The following ATP2B2 variants were observed in gnomAD, a reference collection of about 807,000 sequenced individuals.
ATP2B2 encodes the protein plasma membrane calcium-transporting ATPase 2.
In ATP2B2, 15 loss-of-function variants were observed where a neutral mutation model predicts 120.0. The ratio of observed to expected loss-of-function variants is 0.12; its 90% confidence interval spans 0.08 to 0.19. The LOEUF is 0.19. Ranked by LOEUF, ATP2B2 falls within the 10% of genes least tolerant of loss-of-function variation. The pLI is 1.00. For synonymous variants in ATP2B2, 694 were observed against 700.3 expected, an observed-to-expected ratio of 0.99 and a Z score of 0.14; for missense variants, 1,045 against 1,719.8, an observed-to-expected ratio of 0.61 and a Z score of 6.94.
chr3:10,581,161 T>C (rs545337107), intron 2 of ATP2B2, among the ~76,000 whole-genome samples: 1 of 152,332 alleles, frequency 6.6e-6, no homozygotes, highest in East Asian at 1.9e-4. Flanking sequence ...GGCCAGGATT[T>C]GAATCCACCA....
intron 2 of ATP2B2, among the ~76,000 whole-genome samples, chr3:10,421,881 G>T (rs1333294186): frequency 6.6e-6 from 1 of 152,234 alleles, no homozygotes; most frequent in Admixed American, 6.5e-5. Context: ...AGACCCAGAA[G>T]AACATTTACT....
chr3:10,576,569 G>A (rs372953778), intron 2 of ATP2B2, among the ~76,000 whole-genome samples: 1 of 152,048 alleles, frequency 6.6e-6, no homozygotes, highest in African/African-American at 2.4e-5. Flanking sequence ...TTGTAGAGAT[G>A]GGGTCTCACT....
intron 2 of ATP2B2, among the ~76,000 whole-genome samples, chr3:10,536,663 A>G (rs142437390): frequency 4.6e-5 from 7 of 152,206 alleles, no homozygotes; most frequent in Admixed American, 3.9e-4. Flanking sequence ...AATAGCTGGG[A>G]CTACAAGTGT....
intron 2 of ATP2B2, among the ~76,000 whole-genome samples, chr3:10,586,799 A>G (rs2068520450): frequency 6.6e-6 from 1 of 152,190 alleles, no homozygotes; most frequent in Non-Finnish European, 1.5e-5. Flanking sequence ...CTTCCAGAGA[A>G]GGTGGTGCAC....
chr3:10,493,837 G>C (rs1260908908), intron 1 of ATP2B2, among the ~76,000 whole-genome samples: 3 of 152,212 alleles, frequency 2.0e-5, no homozygotes, highest in Non-Finnish European at 2.9e-5. Flanking sequence ...GGGCAGGAAG[G>C]CCCTCAGAAG....
chr3:10,679,981 G>A (rs572393808), intron 1 of ATP2B2, among the ~76,000 whole-genome samples: 13 of 152,260 alleles, frequency 8.5e-5, no homozygotes, highest in South Asian at 2.1e-4. Context: ...ATAACCTGTC[G>A]GTTCCACGAG....
rs902755995 is a variant in ATP2B2 at position 10,329,247 on chromosome 3, G to T, written c.3421-122C>A. On this transcript the variant is annotated intron_variant, in intron 22 of 22. Coordinates refer to ENST00000360273, the MANE Select transcript of ATP2B2 (RefSeq NM_001001331.4). The surrounding 1 kb of genome is among the most constrained non-coding windows in gnomAD (Gnocchi z 5.9). The stretch of plus-strand genomic sequence containing the variant: ...AAGCAGGTGGCTGGAATCCATAGTC[G>T]CTGGGTGTTATTAGCATTGACAGGA... 2.0e-6 allele frequency: 2 copies of T among 979,116 alleles called. No homozygotes were observed. Among genetic ancestry groups the T allele is most frequent in the Non-Finnish European group, 3.2e-6 (2 of 623,646 alleles). 60.7% of individuals were successfully genotyped at this position (979,116 alleles called of 1,614,324 possible).
chr3:10,378,500 C>T, intron 9 of ATP2B2, 90 bp from the exon 10 acceptor site: 2 of 1,541,780 alleles, frequency 1.3e-6, no homozygotes, highest in Non-Finnish European at 1.8e-6. Context: ...TGGCACCCAC[C>T]CCTGCCTGCC....
At chr3:10,399,167 ACC>A (rs2062139486) in intron 5 of ATP2B2, among the ~76,000 whole-genome samples, 1 of 152,170 alleles carries the variant, frequency 6.6e-6, no homozygotes, top group Non-Finnish European at 1.5e-5. Flanking sequence ...CAGAGGACAT[ACC>A]TGGCCACTGC....
At chr3:10,690,578 G>A (rs971505221) in intron 1 of ATP2B2, among the ~76,000 whole-genome samples, 4 of 152,186 alleles carry the variant, frequency 2.6e-5, no homozygotes, top group Non-Finnish European at 4.4e-5. Context: ...AAGCTCTTAA[G>A]CTACTTTAAA....
At chr3:10,685,596 C>T (rs1213279872) in intron 1 of ATP2B2, among the ~76,000 whole-genome samples, 1 of 152,168 alleles carries the variant, frequency 6.6e-6, no homozygotes, top group Non-Finnish European at 1.5e-5. Flanking sequence ...GAAGAGGGGG[C>T]TTCTATCCAG....
intron 14 of ATP2B2, among the ~76,000 whole-genome samples, chr3:10,354,844 G>A (rs1382245177): frequency 1.3e-5 from 2 of 152,222 alleles, no homozygotes; most frequent in Admixed American, 6.5e-5. Flanking sequence ...CCCTCTGGCT[G>A]AGCCTCCTAG....
chr3:10,573,783 G>A (rs1313787912), intron 2 of ATP2B2, among the ~76,000 whole-genome samples: 1 of 152,148 alleles, frequency 6.6e-6, no homozygotes, highest in African/African-American at 2.4e-5. Context: ...TATACAAACT[G>A]TTCCACTGGG....
chr3:10,474,593 C>T (rs547124435), intron 1 of ATP2B2, among the ~76,000 whole-genome samples: 1 of 152,304 alleles, frequency 6.6e-6, no homozygotes, highest in South Asian at 2.1e-4. Flanking sequence ...CCACTGCCCT[C>T]AGAACAAGGT....
At chr3:10,679,356 A>T (rs1213619794) in intron 1 of ATP2B2, among the ~76,000 whole-genome samples, 1 of 152,216 alleles carries the variant, frequency 6.6e-6, no homozygotes, top group East Asian at 1.9e-4. Context: ...TCACATATAC[A>T]CATCCACCCT....
chr3:10,408,412 C>T (rs1370296115), intron 3 of ATP2B2, among the ~76,000 whole-genome samples: 1 of 152,152 alleles, frequency 6.6e-6, no homozygotes, highest in East Asian at 1.9e-4. Flanking sequence ...GCACAGGAGC[C>T]CTGGAAACAT....
chr3:10,514,017 C>T (rs1354261364), intron 3 of ATP2B2, among the ~76,000 whole-genome samples: 1 of 152,172 alleles, frequency 6.6e-6, no homozygotes, highest in Non-Finnish European at 1.5e-5. Flanking sequence ...TCTGTTTGTT[C>T]TTAGAACTTT....
At chr3:10,393,767 T>C (rs1019869206) in intron 5 of ATP2B2, among the ~76,000 whole-genome samples, 1 of 151,134 alleles carries the variant, frequency 6.6e-6, no homozygotes, top group African/African-American at 2.4e-5. Flanking sequence ...TTCTGTCCTG[T>C]CCTGGTCCTG....
intron 2 of ATP2B2, among the ~76,000 whole-genome samples, chr3:10,566,956 A>G (rs76889887): frequency 6.3e-4 from 96 of 152,366 alleles, no homozygotes; most frequent in Middle Eastern, 3.4e-3. Context: ...TAAACATCCA[A>G]TAAGACATCC....
Sources: gnomAD v4.1 joint callset for allele counts (sites outside exome capture counted in the v4.1 genomes callset) on GRCh38, gnomAD v4.1.1 for gene constraint, Gnocchi (gnomAD v3.1) non-coding constraint, MANE v1.5 for transcripts, NCBI Gene and HGNC (gene_info 2026-07-23, HGNC 2026-07-21) for gene names.